Variants in MYLIP observed in about 807,000 individuals in gnomAD.
MYLIP encodes E3 ubiquitin-protein ligase MYLIP.
Under a neutral mutation model 45.8 loss-of-function variants are expected in MYLIP, and 26 were observed. That is an observed-to-expected ratio of 0.57 (90% confidence interval 0.42 to 0.79). The LOEUF (loss-of-function observed/expected upper bound fraction) is 0.79, where lower values mean the gene tolerates loss of function less well. Among genes scored for constraint, MYLIP ranks in the 30% least tolerant of loss-of-function variants. The pLI, the probability that MYLIP is intolerant of heterozygous loss-of-function variation, is 0.00. For synonymous variants in MYLIP, 213 were observed against 218.1 expected (o/e 0.98, Z 0.21); for missense variants, 494 against 555.6 (o/e 0.89, Z 1.11).
chr6:16,137,036 A>G (rs1057394842), intron 2 of MYLIP, among the ~76,000 whole-genome samples: 42 of 152,128 alleles, frequency 2.8e-4, no homozygotes, highest in Non-Finnish European at 2.9e-4. Flanking sequence ...GGTGAAGCCT[A>G]ATTTATCCAC....
rs938514590 is a variant in MYLIP at position 16,129,172 on chromosome 6, C to T, written c.-151C>T. On this transcript the variant is annotated 5_prime_UTR_variant, in exon 1 of 7. Coordinates refer to ENST00000356840, the MANE Select transcript of MYLIP (RefSeq NM_013262.4). The surrounding 1 kb of genome is among the most constrained non-coding windows in gnomAD (Gnocchi z 5.1). The stretch of plus-strand genomic sequence containing the variant: ...GAGGGGGTGGCGGGGACGCGAGTGG[C>T]GGCCGCGGGGCCCCGGACAAGGGTC... 38 of 743,218 alleles carry T rather than the reference C, an allele frequency of 5.1e-5. No homozygotes were observed. The highest frequency in any genetic ancestry group is 7.5e-5 in the Non-Finnish European group (35 of 469,576). 46.0% of individuals were successfully genotyped at this position (743,218 alleles called of 1,614,324 possible). A position where few individuals can be genotyped will look rare whatever the true frequency, so the allele number is the denominator to read the frequency against.
At chr6:16,163,608 C>T in the MYLIP span, 1 of 152,234 alleles carries the variant, frequency 6.6e-6, no homozygotes, top group South Asian at 2.1e-4. Context: ...GTGTAGTCTC[C>T]CTCACTGAGT....
intron 2 of MYLIP, among the ~76,000 whole-genome samples, chr6:16,137,486 GGTTA>G (rs1759579878): frequency 6.6e-6 from 1 of 152,098 alleles, no homozygotes; most frequent in Non-Finnish European, 1.5e-5. Flanking sequence ...TAAAGATGTA[GGTTA>G]GTTCTTAAAT....
the MYLIP span, among the ~76,000 whole-genome samples, chr6:16,153,475 T>C: frequency 6.6e-6 from 1 of 152,214 alleles, no homozygotes; most frequent in Non-Finnish European, 1.5e-5. Flanking sequence ...GGTAAAACTT[T>C]GCTGCAAATT....
chr6:16,152,151 A>G (rs1288335308), downstream of MYLIP, among the ~76,000 whole-genome samples: 1 of 152,232 alleles, frequency 6.6e-6, no homozygotes, highest in African/African-American at 2.4e-5. Flanking sequence ...AAAGGGTACA[A>G]GAGAGGACAG....
At chr6:16,132,924 ATCAT>A (rs1759486226) in intron 2 of MYLIP, among the ~76,000 whole-genome samples, 1 of 152,248 alleles carries the variant, frequency 6.6e-6, no homozygotes, top group Non-Finnish European at 1.5e-5. Flanking sequence ...TCTTTTCTAA[ATCAT>A]GAGGGTGCAT....
the MYLIP span, among the ~76,000 whole-genome samples, chr6:16,155,020 C>G: frequency 2.6e-5 from 4 of 152,168 alleles, no homozygotes; most frequent in African/African-American, 7.2e-5. Context: ...TCCTGGCAAG[C>G]CTTCACAGTT....
chr6:16,129,236 T>G lies in MYLIP; in HGVS notation c.-87T>G, dbSNP rs1331029719. The G allele has an allele frequency of 7.9e-6, 11 of 1,401,030 alleles. No homozygotes were observed. The highest frequency in any genetic ancestry group is 2.0e-5 in the Admixed American group (1 of 50,182). The allele number at this position is 1,401,030 out of a possible 1,614,324, so 86.8% of individuals were successfully genotyped here. A position where few individuals can be genotyped will look rare whatever the true frequency, so the allele number is the denominator to read the frequency against. ...CCTTCGAGGGCCAGCCCTCTCCGAG[T>G]CCGGGGCTGGGTCCCACCAGTGACA... On this transcript the variant is annotated 5_prime_UTR_variant, in exon 1 of 7. Transcript: ENST00000356840. This position sits in a 1 kb window ranked among gnomAD's most constrained non-coding sequence, Gnocchi z 5.1.
chr6:16,146,611 C>T, intron 6 of MYLIP, 51 bp from the exon 7 acceptor site: 1 of 1,454,926 alleles, frequency 6.9e-7, no homozygotes, highest in Non-Finnish European at 9.5e-7. Flanking sequence ...AGACACAGGC[C>T]CCCCACCGAG....
At chr6:16,151,431 G>A (rs113292651), downstream of MYLIP, among the ~76,000 whole-genome samples, 99 of 152,050 alleles carry the variant, frequency 6.5e-4, 1 homozygote, top group African/African-American at 2.3e-3. Flanking sequence ...CTGAAGGAGG[G>A]GTCCAAGGGA....
downstream of MYLIP, among the ~76,000 whole-genome samples, chr6:16,152,715 T>C (rs1759892680): frequency 6.6e-6 from 1 of 152,144 alleles, no homozygotes; most frequent in Non-Finnish European, 1.5e-5. Context: ...TCAGGTGCTG[T>C]GGAAGAGCAG....
At position 16,145,320 on chromosome 6, in the gene MYLIP, A is replaced by G. The variant is rs374261222; in HGVS notation, c.1248+3A>G. The G allele has an allele frequency of 1.8e-5, 28 of 1,573,006 alleles. No homozygotes were observed. Among genetic ancestry groups the G allele is most frequent in the Non-Finnish European group, 2.3e-5 (27 of 1,155,598 alleles). ...AGAGCTGCGCCGCCCAGCTACAGGTAGGGGAGTCAGCTGCCCACTTTTGCC... is the reference window on the plus strand; with the variant it reads ...AGAGCTGCGCCGCCCAGCTACAGGTGGGGGAGTCAGCTGCCCACTTTTGCC... On this transcript the variant is annotated splice_donor_region_variant and intron_variant, in intron 6 of 6. Coordinates refer to ENST00000356840, the MANE Select transcript of MYLIP (RefSeq NM_013262.4).
chr6:16,130,499 T>C, intron 1 of MYLIP, 58 bp from the exon 2 acceptor site: 2 of 1,527,198 alleles, frequency 1.3e-6, no homozygotes, highest in Non-Finnish European at 1.8e-6. Flanking sequence ...AGGGAGCCGT[T>C]GGGTTTGCTT....
rs899049417 is a variant in MYLIP, at chr6:16,148,159, T to TA, written c.*1415dup. On this transcript the variant is annotated 3_prime_UTR_variant, in exon 7 of 7. Transcript: ENST00000356840. ...CAAGAGGTATTTATTTTTTCACTTG[T>TA]AAAAAAATAATGTTTCCACGTAAAG... The TA allele has an allele frequency of 1.3e-5, 2 of 152,610 alleles. No homozygotes were observed. The highest frequency in any genetic ancestry group is 2.9e-5 in the Non-Finnish European group (2 of 68,028). The allele number at this position is 152,610 out of a possible 1,614,324, so 9.5% of individuals were successfully genotyped here.
chr6:16,141,768 A>G lies in MYLIP; in HGVS notation c.422A>G (p.Glu141Gly). The G allele has an allele frequency of 6.2e-7, 1 of 1,613,952 alleles. No homozygotes were observed. The highest frequency in any genetic ancestry group is 1.1e-5 in the South Asian group (1 of 91,056). Residue 141 changes from glutamate to glycine, a missense_variant, in exon 3 of 7, where the codon GAG (glutamate) becomes GGG (glycine). Physicochemically the swap from Glu to Gly is moderately conservative, Grantham distance 98. Transcript: ENST00000356840. ...YNQNTAKYNY[E>G]ELCAKELSSA... ...CAGAACACTGCCAAGTATAACTATGAGGAGCTCTGTGCCAAGGAGCTCTCC... is the reference window on the plus strand; with the variant it reads ...CAGAACACTGCCAAGTATAACTATGGGGAGCTCTGTGCCAAGGAGCTCTCC...
At chr6:16,162,735 G>C in the MYLIP span, among the ~76,000 whole-genome samples, 1 of 133,100 alleles carries the variant, frequency 7.5e-6, no homozygotes, top group Non-Finnish European at 1.5e-5. Flanking sequence ...AGGATTGCTT[G>C]AGTCCAGGAG....
At chr6:16,132,613 C>T (rs1759480446) in intron 2 of MYLIP, among the ~76,000 whole-genome samples, 1 of 152,122 alleles carries the variant, frequency 6.6e-6, no homozygotes, top group Non-Finnish European at 1.5e-5. Flanking sequence ...ATAACTGACA[C>T]TTAAGTTTTA....
chr6:16,131,032 A>G (rs76726799), intron 2 of MYLIP, among the ~76,000 whole-genome samples: 1 of 82,444 alleles, frequency 1.2e-5, no homozygotes, highest in Non-Finnish European at 2.3e-5. Context: ...ACCCCAGGAA[A>G]AAAAAAAAAA....
At chr6:16,131,376 A>C (rs1759457920) in intron 2 of MYLIP, among the ~76,000 whole-genome samples, 1 of 152,244 alleles carries the variant, frequency 6.6e-6, no homozygotes, top group African/African-American at 2.4e-5. Flanking sequence ...TATAGATTGA[A>C]TTTATCTCTC....
Sources: allele counts gnomAD v4.1 joint callset (sites outside exome capture counted in the v4.1 genomes callset), GRCh38; gene constraint gnomAD v4.1.1; non-coding constraint Gnocchi (gnomAD v3.1); transcripts MANE v1.5; gene names NCBI Gene and HGNC (gene_info 2026-07-23, HGNC 2026-07-21).